RARB: variants seen among roughly 807,000 people sequenced by gnomAD.
RARB encodes the protein retinoic acid receptor beta.
RARB carries 17 observed loss-of-function variants against 51.9 expected under a neutral mutation model. The observed-to-expected ratio is 0.33, with a 90% CI of 0.22 to 0.49. RARB has a LOEUF of 0.49. Ranked by LOEUF, RARB falls within the 20% of genes least tolerant of loss-of-function variation. The probability of loss-of-function intolerance (pLI) is 0.99; values close to 1 mark genes in which losing one functional copy is unlikely to be tolerated. For missense variants in RARB, 369 were observed against 550.8 expected (o/e 0.67, Z 3.30); for synonymous variants, 215 against 195.4 (o/e 1.10, Z -0.84).
intron 2 of RARB, among the ~76,000 whole-genome samples, chr3:24,861,594 TAAAAA>T (rs3057186): frequency 0.38 from 51,775 of 137,738 alleles, 11,519 homozygotes; most frequent in East Asian, 0.82. Flanking sequence ...TAACTTGTTA[TAAAAA>T]AAAAAAAAAA....
chr3:24,994,330 C>T (rs1173524198), intron 2 of RARB, among the ~76,000 whole-genome samples: 2 of 151,696 alleles, frequency 1.3e-5, no homozygotes, highest in Non-Finnish European at 2.9e-5. Context: ...GATTACGTGC[C>T]TATTTTTAAA....
chr3:24,883,591 TA>T (rs1053451636), intron 2 of RARB, among the ~76,000 whole-genome samples: 1 of 152,174 alleles, frequency 6.6e-6, no homozygotes, highest in African/African-American at 2.4e-5. Flanking sequence ...ATGGTTAAGT[TA>T]ATTCACTTTT....
At chr3:25,189,038 C>T (rs1019915573) in intron 5 of RARB, among the ~76,000 whole-genome samples, 2 of 152,090 alleles carry the variant, frequency 1.3e-5, no homozygotes, top group Non-Finnish European at 2.9e-5. Flanking sequence ...ATATAGTTGA[C>T]AGAGTTCATA....
At chr3:24,862,327 C>T (rs933254964) in intron 2 of RARB, among the ~76,000 whole-genome samples, 3 of 152,140 alleles carry the variant, frequency 2.0e-5, no homozygotes, top group African/African-American at 7.2e-5. Flanking sequence ...TATGATTTTT[C>T]ATCTTCAAGG....
chr3:25,106,566 G>C (rs1699508787), intron 3 of RARB, among the ~76,000 whole-genome samples: 1 of 150,336 alleles, frequency 6.7e-6, no homozygotes, highest in Admixed American at 6.7e-5. Context: ...TCCTCCCAAA[G>C]TGCTGGGTTT....
At chr3:25,569,105 G>A (rs1457325689) in intron 3 of RARB, among the ~76,000 whole-genome samples, 1 of 152,206 alleles carries the variant, frequency 6.6e-6, no homozygotes, top group African/African-American at 2.4e-5. Context: ...CAGCGAATAA[G>A]GGAATGAATG....
chr3:25,267,414 C>T (rs535741677), intron 5 of RARB, among the ~76,000 whole-genome samples: 7 of 152,178 alleles, frequency 4.6e-5, no homozygotes, highest in Non-Finnish European at 8.8e-5. Flanking sequence ...CGTCTTTCAC[C>T]TCACATTACC....
At chr3:25,401,591 A>G (rs970199325) in intron 5 of RARB, among the ~76,000 whole-genome samples, 60 of 152,338 alleles carry the variant, frequency 3.9e-4, no homozygotes, top group African/African-American at 1.4e-3. Flanking sequence ...AGAATCAAAT[A>G]GAAATTTCAG....
intron 5 of RARB, among the ~76,000 whole-genome samples, chr3:25,304,975 C>T (rs1003228890): frequency 6.6e-6 from 1 of 152,136 alleles, no homozygotes; most frequent in Non-Finnish European, 1.5e-5. Flanking sequence ...TTGACATGTT[C>T]AGGGTTGCTG....
intron 2 of RARB, among the ~76,000 whole-genome samples, chr3:24,951,526 TG>T (rs573941381): frequency 8.9e-4 from 136 of 152,314 alleles, no homozygotes; most frequent in Non-Finnish European, 1.5e-3. Flanking sequence ...GTCATAAGAT[TG>T]GTGTTCCTAG....
intron 3 of RARB, among the ~76,000 whole-genome samples, chr3:25,110,563 G>C (rs1699584952): frequency 6.6e-6 from 1 of 152,210 alleles, no homozygotes; most frequent in African/African-American, 2.4e-5. Context: ...AGGAAACGAA[G>C]TGCCAGTTCA....
At chr3:25,563,232 T>G (rs370335763) in intron 3 of RARB, among the ~76,000 whole-genome samples, 153 of 152,290 alleles carry the variant, frequency 1.0e-3, no homozygotes, top group African/African-American at 3.2e-3. Context: ...AGCAGTCCTC[T>G]TAGGATTCCA....
At chr3:25,453,566 T>G (rs1245759312) in intron 1 of RARB, among the ~76,000 whole-genome samples, 2 of 152,084 alleles carry the variant, frequency 1.3e-5, no homozygotes, top group African/African-American at 2.4e-5. Context: ...TTAACAAGTT[T>G]CCAGGTGATG....
chr3:24,937,398 T>C (rs1442011113), intron 2 of RARB, among the ~76,000 whole-genome samples: 1 of 152,110 alleles, frequency 6.6e-6, no homozygotes, highest in African/African-American at 2.4e-5. Context: ...CTGCCTTGAC[T>C]CCAAAGATAA....
intron 5 of RARB, among the ~76,000 whole-genome samples, chr3:25,214,202 C>A (rs544265436): frequency 6.6e-6 from 1 of 152,290 alleles, no homozygotes; most frequent in African/African-American, 2.4e-5. Context: ...CTATCCTTGG[C>A]TTCTTTGCTT....
intron 2 of RARB, among the ~76,000 whole-genome samples, chr3:24,889,976 GAATGTTGTA>G (rs1279229248): frequency 6.6e-6 from 1 of 150,478 alleles, no homozygotes; most frequent in Non-Finnish European, 1.5e-5. Context: ...CCTTAATAAT[GAATGTTGTA>G]TGGCACATTC....
intron 5 of RARB, among the ~76,000 whole-genome samples, chr3:25,406,345 G>GT (rs1707408063): frequency 6.6e-6 from 1 of 152,208 alleles, no homozygotes; most frequent in African/African-American, 2.4e-5. Context: ...TCAGGCTGCC[G>GT]TAACAAAATT....
At chr3:24,982,422 C>T (rs1426747737) in intron 2 of RARB, among the ~76,000 whole-genome samples, 1 of 152,180 alleles carries the variant, frequency 6.6e-6, no homozygotes, top group Non-Finnish European at 1.5e-5. Flanking sequence ...GAAAGCTAAA[C>T]TTTCAGACTG....
At chr3:24,932,038 T>C (rs1463038502) in intron 2 of RARB, among the ~76,000 whole-genome samples, 1 of 152,076 alleles carries the variant, frequency 6.6e-6, no homozygotes, top group African/African-American at 2.4e-5. Flanking sequence ...CATCTTTGGA[T>C]ACCTTTGATT....
Sources: allele counts gnomAD v4.1 joint callset (sites outside exome capture counted in the v4.1 genomes callset), GRCh38; gene constraint gnomAD v4.1.1; transcripts MANE v1.5; gene names NCBI Gene and HGNC (gene_info 2026-07-23, HGNC 2026-07-21).